SCYL1: variants seen among roughly 807,000 people sequenced by gnomAD.
SCYL1 encodes the protein SCY1 like pseudokinase 1.
A neutral mutation model predicts 94.8 loss-of-function variants in SCYL1; 85 were observed. That is an observed-to-expected ratio of 0.90 (90% CI 0.75 to 1.07). The LOEUF (loss-of-function observed/expected upper bound fraction) is 1.07. Among genes scored for constraint, SCYL1 ranks in the 50% least tolerant of loss-of-function variants. The pLI, the probability that SCYL1 is intolerant of heterozygous loss-of-function variation, is 0.00. For synonymous variants in SCYL1, 459 were observed against 435.5 expected, an observed-to-expected ratio of 1.05 and a Z score of -0.67; for missense variants, 968 against 1,083.3, an observed-to-expected ratio of 0.89 and a Z score of 1.49.
rs778226223 is a variant in SCYL1 at position 65,536,637 on chromosome 11, G to C, written c.1703G>C (p.Ser568Thr). Residue 568 changes from serine to threonine, a missense_variant, in exon 13 of 18, where the codon AGC (serine) becomes ACC (threonine). Physicochemically the swap from Ser to Thr is moderately conservative, Grantham distance 58. Around this residue, in one of 2 missense-constraint regions of SCYL1, gnomAD observed 474 missense variants for 463.6 expected, o/e 1.02. Coordinates refer to ENST00000270176, the MANE Select transcript of SCYL1 (RefSeq NM_020680.4). ...SSPGMGGAAA[S>T]WAGWAVTGVS... ...CCTGGCATGGGAGGAGCCGCAGCTA[G>C]CTGGGCAGGCTGGGCCGTGACCGGG... is the stretch of plus-strand genomic sequence containing the variant. 6.2e-7 allele frequency: 1 copy of C among 1,614,142 alleles called. No homozygotes were observed. Among genetic ancestry groups the C allele is most frequent in the Admixed American group, 1.7e-5 (1 of 60,026 alleles).
chr11:65,535,433 G>T, intron 10 of SCYL1, 51 bp downstream of exon 10: 1 of 1,598,186 alleles, frequency 6.3e-7, no homozygotes, highest in Non-Finnish European at 8.6e-7. Context: ...CAGGACCACA[G>T]CCTCCTCCAG....
rs371123737 is a variant in SCYL1 at position 65,529,291 on chromosome 11, C to G, written c.850-1338C>G. Among the ~76,000 whole-genome samples, 6 of 152,316 alleles carry G rather than the reference C, an allele frequency of 3.9e-5. No individual in the cohort carries two copies. The East Asian group carries it at 1.2e-3, about 29-fold the overall frequency. On this transcript the variant is annotated intron_variant, in intron 6 of 17. Transcript: ENST00000270176. ...TGCCTCCTGGGCAGTGTCGGGGCAG[C>G]AGGAACTTTGTTACGTGGAGTTCTC...
intron 14 of SCYL1, among the ~76,000 whole-genome samples, chr11:65,537,334 G>A (rs1387021626): frequency 6.6e-6 from 1 of 152,218 alleles, no homozygotes; most frequent in Non-Finnish European, 1.5e-5. Flanking sequence ...GAGCAGGCTA[G>A]GCAGATGGTG....
intron 6 of SCYL1, among the ~76,000 whole-genome samples, chr11:65,527,978 C>G (rs900867289): frequency 2.6e-5 from 4 of 152,178 alleles, no homozygotes; most frequent in Non-Finnish European, 5.9e-5. Flanking sequence ...CATTCTGGCT[C>G]TGGTCCCCAG....
chr11:65,531,857 T>C (rs1855384295), intron 8 of SCYL1, among the ~76,000 whole-genome samples, 174 bp downstream of exon 8: 1 of 152,184 alleles, frequency 6.6e-6, no homozygotes, highest in Admixed American at 6.5e-5. Context: ...ACAGGGCTCC[T>C]TGGCAGTTTT....
In SCYL1 at chr11:65,531,648, A is replaced by T; in HGVS notation, c.1081A>T (p.Thr361Ser). 1 of 1,613,964 alleles carries T rather than the reference A, an allele frequency of 6.2e-7. No individual in the cohort carries two copies. Residue 361 changes from threonine (T) to serine (S), a missense_variant, in exon 8 of 18, where the codon ACT becomes TCT. By Grantham distance (58) the Thr-to-Ser change is moderately conservative. Around this residue, in one of 2 missense-constraint regions of SCYL1, gnomAD observed 494 missense variants for 619.7 expected, o/e 0.80. Transcript: ENST00000270176. ...TGTGGTGGTCAAGATGTTCTCATCC[A>T]CTGACCGGGCCATGCGCATCCGCCT... ...IPVVVKMFSSTDRAMRIRLLQ... is the reference protein window; with the variant it reads ...IPVVVKMFSSSDRAMRIRLLQ...
At chr11:65,536,475 C>G in intron 12 of SCYL1, 111 bp from the exon 13 acceptor site, 1 of 1,435,674 alleles carries the variant, frequency 7.0e-7, no homozygotes, top group Non-Finnish European at 9.6e-7. Context: ...TGGGAGAAAT[C>G]AGGCCTGGAG....
Position 65,530,538 on chromosome 11 carries a change from T to TA in SCYL1, c.850-89dup, listed in dbSNP as rs1855308994. 8.3e-6 allele frequency: 12 copies of TA among 1,448,274 alleles called. No homozygotes were observed. In the Admixed American group the frequency reaches 2.1e-4, roughly 26 times the overall value. 89.7% of individuals were successfully genotyped at this position (1,448,274 alleles called of 1,614,324 possible). On this transcript the variant is annotated intron_variant, in intron 6 of 17. Transcript: ENST00000270176. Reference sequence around the variant, plus strand: ...CAGGCTCCAGAGCCCATAAGGCCCATAAGCATCACTTCTCCTTGTCCTCAC... The same window carrying TA: ...CAGGCTCCAGAGCCCATAAGGCCCATAAAGCATCACTTCTCCTTGTCCTCAC...
intron 1 of SCYL1, 79 bp downstream of exon 1, chr11:65,525,343 C>A (rs1855021003): frequency 6.8e-6 from 8 of 1,178,396 alleles, no homozygotes; most frequent in Non-Finnish European, 8.0e-6. Flanking sequence ...TCGCGTTGCG[C>A]CCGGCCTGAC....
At chr11:65,534,105 C>G (rs1473997304) in intron 9 of SCYL1, among the ~76,000 whole-genome samples, 1 of 152,064 alleles carries the variant, frequency 6.6e-6, no homozygotes, top group Non-Finnish European at 1.5e-5. Flanking sequence ...GTGGTGGGCG[C>G]CTGTGGTCCC....
Position 65,537,833 on chromosome 11 carries a change from C to G in SCYL1, c.1984C>G (p.Gln662Glu). The G allele has an allele frequency of 6.4e-7, 1 of 1,570,982 alleles. No homozygotes were observed. The highest frequency in any genetic ancestry group is 8.6e-7 in the Non-Finnish European group (1 of 1,157,644). ...GCAGGAGGCCGAGTCTGTGCTGGCCCAGCAGGACGACTGGAGCACCGGGGG... is the reference window on the plus strand; with the variant it reads ...GCAGGAGGCCGAGTCTGTGCTGGCCGAGCAGGACGACTGGAGCACCGGGGG... ...LEQEAESVLA[Q>E]QDDWSTGGQV... The change falls in exon 15 of 18, where the codon CAG (glutamine) becomes GAG (glutamate). Residue 662 changes from glutamine (Q) to glutamate (E), a missense_variant. Coordinates refer to ENST00000270176, the MANE Select transcript of SCYL1 (RefSeq NM_020680.4).
At position 65,537,926 on chromosome 11, in the gene SCYL1, C is replaced by T. The variant is rs754852383; in HGVS notation, c.2032-41C>T. 4 of 1,586,478 alleles carry T rather than the reference C, an allele frequency of 2.5e-6. No homozygotes were observed. The South Asian group carries it at 3.4e-5, about 14-fold the overall frequency. On this transcript the variant is annotated intron_variant, in intron 15 of 17. Transcript: ENST00000270176. ...AGGTGTGTGTATGGGGCTCTTTCCT[C>T]CTTGGGCCCAGGGCTACTTCCCCCT...
Position 65,536,604 on chromosome 11 carries a change from C to T in SCYL1, c.1670C>T (p.Ala557Val). 3 of 1,614,120 alleles carry T rather than the reference C, an allele frequency of 1.9e-6. No homozygotes were observed. The highest frequency in any genetic ancestry group is 1.7e-6 in the Non-Finnish European group (2 of 1,179,972). ...LEEVEKDVHAASSPGMGGAAA... is the reference protein window; with the variant it reads ...LEEVEKDVHAVSSPGMGGAAA... ...TGCCCAGAGAAGGATGTCCATGCAG[C>T]CTCCAGCCCTGGCATGGGAGGAGCC... Residue 557 changes from alanine to valine, a missense_variant, in exon 13 of 18, where the codon GCC becomes GTC. By Grantham distance (64) the Ala-to-Val change is moderately conservative. Transcript: ENST00000270176.
Position 65,538,063 on chromosome 11 carries a change from A to G in SCYL1, c.2128A>G (p.Ser710Gly). Residue 710 changes from serine to glycine, a missense_variant, in exon 16 of 18, where the codon AGC (serine) becomes GGC (glycine). Ser to Gly is a moderately conservative substitution (Grantham distance 56, BLOSUM62 0). Transcript: ENST00000270176. ...CTGGGAACAGGGCTGGCAGGAGCCA[A>G]GCTCCCAGGAGCCACCTCCTGACGG... is the stretch of plus-strand genomic sequence containing the variant. ...GSWEQGWQEP[S>G]SQEPPPDGTR... is the part of the protein sequence containing the mutation. 1.2e-6 allele frequency: 2 copies of G among 1,608,646 alleles called. No homozygotes were observed. Among genetic ancestry groups the G allele is most frequent in the Non-Finnish European group, 1.7e-6 (2 of 1,178,020 alleles).
chr11:65,532,590 A>G (rs1185718867), intron 8 of SCYL1, 102 bp from the exon 9 acceptor site: 2 of 922,646 alleles, frequency 2.2e-6, no homozygotes, highest in Non-Finnish European at 3.4e-6. Context: ...CTGGCTGGCC[A>G]GTGCCTGCTG....
rs141488946 is a variant in SCYL1 at position 65,525,983 on chromosome 11, G to C, written c.315G>C (p.Ala105=). 1 of 1,613,502 alleles carries C rather than the reference G, an allele frequency of 6.2e-7. No individual in the cohort carries two copies. Among genetic ancestry groups the C allele is most frequent in the Non-Finnish European group, 8.5e-7 (1 of 1,179,976 alleles). ...CCCCGTTGGGAATATACCTCAAGGCGAGAGTGGAGGCTGGTGGCCTGAAGG... is the reference window on the plus strand; with the variant it reads ...CCCCGTTGGGAATATACCTCAAGGCCAGAGTGGAGGCTGGTGGCCTGAAGG... ...AVTPLGIYLK[A]RVEAGGLKEL... Residue 105 remains alanine, a synonymous_variant, in exon 3 of 18, where the codon GCG becomes GCC. Transcript: ENST00000270176.
Position 65,526,010 on chromosome 11 carries a change from G to C in SCYL1, c.342G>C (p.Glu114Asp). Residue 114 changes from glutamate to aspartate, a missense_variant, in exon 3 of 18, where the codon GAG becomes GAC. By Grantham distance (45) the Glu-to-Asp change is conservative. Coordinates refer to ENST00000270176, the MANE Select transcript of SCYL1 (RefSeq NM_020680.4). The surrounding 1 kb of genome is among the most constrained non-coding windows in gnomAD (Gnocchi z 4.1). ...GAGTGGAGGCTGGTGGCCTGAAGGAGCTGGAGATCTCCTGGGGGCTACACC... is the reference window on the plus strand; with the variant it reads ...GAGTGGAGGCTGGTGGCCTGAAGGACCTGGAGATCTCCTGGGGGCTACACC... ...KARVEAGGLK[E>D]LEISWGLHQI... The C allele has an allele frequency of 6.2e-7, 1 of 1,613,332 alleles. No homozygotes were observed. Among genetic ancestry groups the C allele is most frequent in the Non-Finnish European group, 8.5e-7 (1 of 1,179,972 alleles).
In SCYL1 at chr11:65,525,258, CAAG is replaced by C. The variant is rs768049627; in HGVS notation, c.109_111del (p.Lys37del). 6.9e-7 allele frequency: 1 copy of C among 1,439,536 alleles called. No homozygotes were observed. Among genetic ancestry groups the C allele is most frequent in the East Asian group, 3.0e-5 (1 of 33,732 alleles). The allele number at this position is 1,439,536 out of a possible 1,614,324, so 89.2% of individuals were successfully genotyped here. A position where few individuals can be genotyped will look rare whatever the true frequency, so the allele number is the denominator to read the frequency against. ...GGCCCTGGGCCCTGCACCGCGGCCG[CAAG>C]AAGGTGAGTGCGGCCGAGCTCCGTA... On this transcript the variant is annotated inframe_deletion, in exon 1 of 18. Transcript: ENST00000270176.
chr11:65,527,853 G>A (rs560884622), intron 6 of SCYL1, among the ~76,000 whole-genome samples: 1 of 152,134 alleles, frequency 6.6e-6, no homozygotes, highest in African/African-American at 2.4e-5. Context: ...GACTCAACCT[G>A]TACCTACTTC....
Sources: allele counts gnomAD v4.1 joint callset (sites outside exome capture counted in the v4.1 genomes callset), GRCh38; gene constraint gnomAD v4.1.1; regional missense constraint gnomAD v4.1.1; non-coding constraint Gnocchi (gnomAD v3.1); transcripts MANE v1.5; gene names NCBI Gene and HGNC (gene_info 2026-07-23, HGNC 2026-07-21).